GNB5: variants seen among roughly 807,000 people sequenced by gnomAD.
The protein encoded by GNB5 is G protein subunit beta 5.
GNB5 carries 37 observed loss-of-function variants against 55.3 expected under a neutral mutation model. The ratio of observed to expected loss-of-function variants is 0.67; its 90% CI spans 0.51 to 0.88. The LOEUF is 0.88. Ranked by LOEUF, GNB5 falls within the 40% of genes least tolerant of loss-of-function variation. The probability of loss-of-function intolerance (pLI) is 0.00; values close to 1 mark genes in which losing one functional copy is unlikely to be tolerated. For missense variants in GNB5, 476 were observed against 515.3 expected (o/e 0.92, Z 0.74); for synonymous variants, 219 against 198.5 (o/e 1.10, Z -0.87).
intron 3 of GNB5, among the ~76,000 whole-genome samples, chr15:52,178,104 T>C (rs747585875): frequency 1.1e-4 from 17 of 152,172 alleles, no homozygotes; most frequent in Admixed American, 2.0e-4. Flanking sequence ...ATAAGTGAGT[T>C]TCTGGAGAAC....
At chr15:52,162,555 C>G (rs1440660539) in intron 3 of GNB5, among the ~76,000 whole-genome samples, 2 of 151,962 alleles carry the variant, frequency 1.3e-5, no homozygotes, top group Non-Finnish European at 2.9e-5. Context: ...TCTTAAATAG[C>G]AAAACAAAAC....
intron 1 of GNB5, among the ~76,000 whole-genome samples, chr15:52,190,346 T>C (rs959913639): frequency 4.6e-5 from 7 of 152,028 alleles, no homozygotes; most frequent in Non-Finnish European, 1.0e-4. Context: ...CTCAATCTCC[T>C]GACCTCATGA....
intron 3 of GNB5, among the ~76,000 whole-genome samples, chr15:52,156,538 C>T (rs2034210827): frequency 6.6e-6 from 1 of 152,174 alleles, no homozygotes; most frequent in South Asian, 2.1e-4. Flanking sequence ...CTGAGATCAG[C>T]CTGGGCAACA....
chr15:52,126,091 G>C, intron 10 of GNB5, 47 bp from the exon 11 acceptor site: 1 of 916,882 alleles, frequency 1.1e-6, no homozygotes, highest in Non-Finnish European at 1.8e-6. Flanking sequence ...GCTTCAGTTT[G>C]GTGACGTGAT....
Position 52,135,734 on chromosome 15 carries a change from C to T in GNB5, c.650G>A (p.Gly217Asp), listed in dbSNP as rs772175951. 1 of 1,612,494 alleles carries T rather than the reference C, an allele frequency of 6.2e-7. No homozygotes were observed. ...DMQILTASGD[G>D]TCALWDVESG... is the part of the protein sequence containing the mutation. ...CTCCACGTCCCACAGGGCACATGTG[C>T]CATCGCCGCTCGCTGTCAGGATCTG... Residue 217 changes from glycine to aspartate, a missense_variant, in exon 8 of 13, where the codon GGC (glycine) becomes GAC (aspartate). By Grantham distance (94) the Gly-to-Asp change is moderately conservative. Coordinates refer to ENST00000261837, the MANE Select transcript of GNB5 (RefSeq NM_016194.4).
intron 10 of GNB5, among the ~76,000 whole-genome samples, chr15:52,127,849 C>T (rs2033467334): frequency 6.7e-6 from 1 of 149,434 alleles, no homozygotes; most frequent in Admixed American, 6.7e-5. Flanking sequence ...GCCAAATGTC[C>T]AAAAATTGAA....
chr15:52,159,394 C>T (rs998523552), intron 3 of GNB5, among the ~76,000 whole-genome samples: 1 of 152,154 alleles, frequency 6.6e-6, no homozygotes, highest in African/African-American at 2.4e-5. Context: ...CACCATCTGC[C>T]GCACCACGCT....
At position 52,158,127 on chromosome 15, in the gene GNB5, C is replaced by T. The variant is rs116684815; in HGVS notation, c.239-4051G>A. Among the ~76,000 whole-genome samples, 403 of 152,076 alleles carry T rather than the reference C, an allele frequency of 2.6e-3. 1 individual carries two copies. The highest frequency in any genetic ancestry group is 9.5e-3 in the African/African-American group (395 of 41,456). On this transcript the variant is annotated intron_variant, in intron 3 of 12. Transcript: ENST00000261837. ...CACTAGCTCTAGGAAGACAGGAGTG[C>T]TGTCTTGTTTGATCTTCTTCAGAGG...
At chr15:52,122,910 A>C in intron 12 of GNB5, 142 bp from the exon 13 acceptor site, 1 of 691,478 alleles carries the variant, frequency 1.4e-6, no homozygotes, top group Non-Finnish European at 2.6e-6. Flanking sequence ...ACACACAAAC[A>C]TACACACTCC....
intron 3 of GNB5, among the ~76,000 whole-genome samples, chr15:52,158,847 C>A (rs922096706): frequency 2.0e-5 from 3 of 152,096 alleles, no homozygotes; most frequent in Non-Finnish European, 2.9e-5. Flanking sequence ...CAGTCCCTGA[C>A]CTCACTGTAG....
rs2033248702 is a variant in GNB5 at position 52,120,835 on chromosome 15, C to T, written c.*1922G>A. Reference sequence around the variant, plus strand: ...ATCTACTGGGACTAAAAAGCACTCTCTCTGGGCTCCCTGGAGGAAGGCAGA... The same window carrying T: ...ATCTACTGGGACTAAAAAGCACTCTTTCTGGGCTCCCTGGAGGAAGGCAGA... On this transcript the variant is annotated 3_prime_UTR_variant, in exon 13 of 13. Transcript: ENST00000261837. The T allele has an allele frequency of 1.3e-5, 2 of 152,446 alleles. No individual in the cohort carries two copies. Among genetic ancestry groups the T allele is most frequent in the East Asian group, 1.9e-4 (1 of 5,196 alleles). The allele number at this position is 152,446 out of a possible 1,614,324, so 9.4% of individuals were successfully genotyped here.
chr15:52,177,322 C>G (rs891618571), intron 3 of GNB5, among the ~76,000 whole-genome samples: 2 of 151,692 alleles, frequency 1.3e-5, no homozygotes, highest in Admixed American at 1.3e-4. Context: ...CGTGAGCCAC[C>G]CTGTCGGTCC....
chr15:52,117,102 A>ATATATATATATATTTTTTTTTTTTTTTTT lies in GNB5; in HGVS notation c.*5654_*5655insAAAAAAAAAAAAAAAAATATATATATATA. On this transcript the variant is annotated 3_prime_UTR_variant, in exon 13 of 13. Transcript: ENST00000261837. ...CCACGCCCAGCTAATATATATATAT[A>ATATATATATATATTTTTTTTTTTTTTTTT]TTTTTTTTTAGTACAGACAGGGTTT... is the stretch of plus-strand genomic sequence containing the variant. 2.5e-4 allele frequency: 22 copies of ATATATATATATATTTTTTTTTTTTTTTTT among 87,084 alleles called. 2 individuals are homozygous for ATATATATATATATTTTTTTTTTTTTTTTT. Among genetic ancestry groups the ATATATATATATATTTTTTTTTTTTTTTTT allele is most frequent in the African/African-American group, 1.3e-3 (21 of 16,432 alleles). The allele number at this position is 87,084 out of a possible 1,614,324, so 5.4% of individuals were successfully genotyped here.
At position 52,141,155 on chromosome 15, in the gene GNB5, G is replaced by C. The variant is rs147094121; in HGVS notation, c.612C>G (p.Thr204=). Residue 204 remains threonine (T), a synonymous_variant, in exon 7 of 13, where the codon ACC becomes ACG. Coordinates refer to ENST00000261837, the MANE Select transcript of GNB5 (RefSeq NM_016194.4). ...HTNYLSACSF[T]NSDMQILTAS... The stretch of plus-strand genomic sequence containing the variant: ...GCCTATTTACCTGCATGTCAGAGTT[G>C]GTGAAGCTGCAGGCCGACAGGTAGT... 1 of 1,614,042 alleles carries C rather than the reference G, an allele frequency of 6.2e-7. No individual in the cohort carries two copies. Among genetic ancestry groups the C allele is most frequent in the Non-Finnish European group, 8.5e-7 (1 of 1,179,932 alleles).
chr15:52,145,522 G>T (rs918364691), intron 6 of GNB5, among the ~76,000 whole-genome samples: 3 of 151,974 alleles, frequency 2.0e-5, no homozygotes, highest in Admixed American at 1.3e-4. Flanking sequence ...GTGCACGCCT[G>T]TAGTCCCAGC....
chr15:52,135,485 G>C, intron 8 of GNB5, 128 bp downstream of exon 8: 1 of 842,132 alleles, frequency 1.2e-6, no homozygotes, highest in Non-Finnish European at 1.9e-6. Flanking sequence ...TTAGTGGGGA[G>C]TTGAGAACAA....
At chr15:52,155,901 G>A (rs1049929551) in intron 3 of GNB5, among the ~76,000 whole-genome samples, 4 of 152,172 alleles carry the variant, frequency 2.6e-5, no homozygotes, top group Non-Finnish European at 4.4e-5. Context: ...AAAGTGTCTT[G>A]TTAGGGAGGT....
chr15:52,116,843 T>A lies in GNB5; in HGVS notation c.*5914A>T, dbSNP rs2033150182. ...ACTGGTGTGACCTTTGTTATTGATA[T>A]TTGTAGCCAAGGATAATTATTTCAA... On this transcript the variant is annotated 3_prime_UTR_variant, in exon 13 of 13. Transcript: ENST00000261837. 6.6e-6 allele frequency: 1 copy of A among 152,136 alleles called. No homozygotes were observed. Among genetic ancestry groups the A allele is most frequent in the Non-Finnish European group, 1.5e-5 (1 of 68,020 alleles). 9.4% of individuals were successfully genotyped at this position (152,136 alleles called of 1,614,324 possible).
At chr15:52,163,851 C>A (rs978942115) in intron 3 of GNB5, among the ~76,000 whole-genome samples, 1 of 152,192 alleles carries the variant, frequency 6.6e-6, no homozygotes. Flanking sequence ...TGGTGCCCCT[C>A]TGGGATGGAG....
Sources: allele counts gnomAD v4.1 joint callset (sites outside exome capture counted in the v4.1 genomes callset), GRCh38; gene constraint gnomAD v4.1.1; transcripts MANE v1.5; gene names NCBI Gene and HGNC (gene_info 2026-07-23, HGNC 2026-07-21).